The following GABBR2 variants were observed in gnomAD, a reference collection of about 807,000 sequenced individuals.
GABBR2 encodes gamma-aminobutyric acid type B receptor subunit 2.
Under a neutral mutation model 105.6 loss-of-function variants are expected in GABBR2, and 23 were observed. The observed-to-expected ratio is 0.22, with a 90% confidence interval of 0.16 to 0.31. The LOEUF is 0.31. Ranked by LOEUF, GABBR2 falls within the 10% of genes least tolerant of loss-of-function variation. The pLI, the probability that GABBR2 is intolerant of heterozygous loss-of-function variation, is 1.00. For synonymous variants in GABBR2, 478 were observed against 499.7 expected (o/e 0.96, Z 0.58); for missense variants, 734 against 1,245.5 (o/e 0.59, Z 6.18).
chr9:98,429,685 G>A (rs1825763484), intron 7 of GABBR2, among the ~76,000 whole-genome samples: 1 of 152,184 alleles, frequency 6.6e-6, no homozygotes, highest in East Asian at 1.9e-4. Flanking sequence ...AGCTTGTTGA[G>A]GACAAGCCAT....
chr9:98,316,676 G>A (rs1038299180), intron 13 of GABBR2, among the ~76,000 whole-genome samples: 2 of 152,246 alleles, frequency 1.3e-5, no homozygotes, highest in South Asian at 2.1e-4. Flanking sequence ...AGAGAGAGAG[G>A]GCTGACTTCA....
intron 1 of GABBR2, among the ~76,000 whole-genome samples, chr9:98,624,585 C>A (rs77524913): frequency 6.6e-6 from 1 of 151,798 alleles, no homozygotes; most frequent in Non-Finnish European, 1.5e-5. Flanking sequence ...GAGAGTCTCT[C>A]GGGAAGAGAG....
At chr9:98,548,612 A>G (rs956456400) in intron 2 of GABBR2, among the ~76,000 whole-genome samples, 3 of 118,614 alleles carry the variant, frequency 2.5e-5, no homozygotes, top group African/African-American at 8.1e-5. Flanking sequence ...TAAAGAGAAA[A>G]AAGCAATTTG....
intron 1 of GABBR2, among the ~76,000 whole-genome samples, chr9:98,626,517 A>C (rs556898237): frequency 5.3e-5 from 8 of 152,336 alleles, no homozygotes; most frequent in African/African-American, 1.9e-4. Flanking sequence ...AGCCTGGGTC[A>C]AATCCTGATC....
chr9:98,540,269 C>T (rs1407191462), intron 3 of GABBR2, among the ~76,000 whole-genome samples: 1 of 152,202 alleles, frequency 6.6e-6, no homozygotes, highest in Non-Finnish European at 1.5e-5. Context: ...CCACTTTTCA[C>T]GCACCTCCAA....
At chr9:98,382,649 G>T (rs895956768) in intron 11 of GABBR2, among the ~76,000 whole-genome samples, 1 of 152,038 alleles carries the variant, frequency 6.6e-6, no homozygotes, top group Admixed American at 6.6e-5. Flanking sequence ...TCATCACTGT[G>T]TCCTAAAACT....
chr9:98,407,061 G>T lies in GABBR2; in HGVS notation c.1237-920C>A, dbSNP rs772764330. On this transcript the variant is annotated intron_variant, in intron 7 of 18. Transcript: ENST00000259455. ...TGAGGCTGCTGGGATTCAAATGCAG[G>T]TTTAATTTTAATGTCCATGCTACTT... Among the ~76,000 whole-genome samples, 8 of 152,306 alleles carry T rather than the reference G, an allele frequency of 5.3e-5. No individual in the cohort carries two copies. The East Asian group carries it at 5.8e-4, about 11-fold the overall frequency.
intron 1 of GABBR2, among the ~76,000 whole-genome samples, chr9:98,704,107 T>C (rs1830865823): frequency 6.6e-6 from 1 of 152,236 alleles, no homozygotes; most frequent in African/African-American, 2.4e-5. Flanking sequence ...CCCGGGGCTA[T>C]GTTTTACACC....
chr9:98,680,009 T>C (rs1364308793), intron 1 of GABBR2, among the ~76,000 whole-genome samples: 1 of 152,264 alleles, frequency 6.6e-6, no homozygotes, highest in Non-Finnish European at 1.5e-5. Context: ...GTAAAACTTA[T>C]ATTAAATACC....
intron 13 of GABBR2, among the ~76,000 whole-genome samples, chr9:98,322,374 T>C (rs144378885): frequency 2.6e-5 from 4 of 152,234 alleles, no homozygotes; most frequent in African/African-American, 9.6e-5. Flanking sequence ...TGCAGGTGAA[T>C]GCACCTGTGT....
intron 7 of GABBR2, among the ~76,000 whole-genome samples, chr9:98,408,409 C>G (rs1354131638): frequency 6.6e-6 from 1 of 152,170 alleles, no homozygotes; most frequent in African/African-American, 2.4e-5. Context: ...ATCAGGGTCA[C>G]CATGGCATCT....
At chr9:98,605,436 G>A (rs759291457) in intron 1 of GABBR2, among the ~76,000 whole-genome samples, 77 of 152,280 alleles carry the variant, frequency 5.1e-4, no homozygotes, top group African/African-American at 1.3e-3. Flanking sequence ...CTCAGGCTAC[G>A]GACTCTCACC....
chr9:98,676,055 A>G (rs1830473540), intron 1 of GABBR2, among the ~76,000 whole-genome samples: 1 of 152,240 alleles, frequency 6.6e-6, no homozygotes, highest in Non-Finnish European at 1.5e-5. Context: ...GGGATTCTGC[A>G]TATGTGACTA....
chr9:98,545,702 C>A (rs1828384784), intron 2 of GABBR2, among the ~76,000 whole-genome samples: 1 of 152,176 alleles, frequency 6.6e-6, no homozygotes, highest in South Asian at 2.1e-4. Flanking sequence ...TAGACTGCAG[C>A]CCCGAAATAA....
At chr9:98,436,072 A>G (rs1825896954) in intron 7 of GABBR2, among the ~76,000 whole-genome samples, 1 of 150,894 alleles carries the variant, frequency 6.6e-6, no homozygotes, top group Admixed American at 6.6e-5. Flanking sequence ...TCCTCATACT[A>G]TAGGTGGTTG....
intron 11 of GABBR2, among the ~76,000 whole-genome samples, chr9:98,375,695 G>C (rs1449692631): frequency 6.6e-6 from 1 of 152,090 alleles, no homozygotes; most frequent in East Asian, 1.9e-4. Flanking sequence ...TGTCTGACAG[G>C]TAGTGAGCTC....
intron 2 of GABBR2, among the ~76,000 whole-genome samples, chr9:98,560,414 C>A (rs1828651644): frequency 9.9e-6 from 1 of 100,730 alleles, no homozygotes; most frequent in Non-Finnish European, 2.5e-5. Context: ...CACACACACA[C>A]ACATATACAC....
At chr9:98,648,562 C>T (rs1476624941) in intron 1 of GABBR2, among the ~76,000 whole-genome samples, 3 of 152,202 alleles carry the variant, frequency 2.0e-5, no homozygotes, top group Non-Finnish European at 4.4e-5. Context: ...TCTCCAGGCC[C>T]TGCTCTGCCA....
Position 98,306,023 on chromosome 9 carries a change from A to AT in GABBR2, c.2229+97_2229+98insA. 4.0e-6 allele frequency: 3 copies of AT among 742,200 alleles called. No individual in the cohort carries two copies. Among genetic ancestry groups the AT allele is most frequent in the Non-Finnish European group, 6.7e-6 (3 of 448,796 alleles). 46.0% of individuals were successfully genotyped at this position (742,200 alleles called of 1,614,324 possible). ...AATTGTCTTCATCATAAAAAAAAAA[A>AT]GGAATGGGTAAACCTTTTAGAGAAT... On this transcript the variant is annotated intron_variant, in intron 15 of 18. Transcript: ENST00000259455. The surrounding 1 kb of genome is among the most constrained non-coding windows in gnomAD (Gnocchi z 5.4).
Sources: allele counts gnomAD v4.1 joint callset (sites outside exome capture counted in the v4.1 genomes callset), GRCh38; gene constraint gnomAD v4.1.1; non-coding constraint Gnocchi (gnomAD v3.1); transcripts MANE v1.5; gene names NCBI Gene and HGNC (gene_info 2026-07-23, HGNC 2026-07-21).